The following SRP68 variants were observed in gnomAD, a reference collection of about 807,000 sequenced individuals.
SRP68 encodes the protein signal recognition particle 68.
Under a neutral mutation model 82.2 loss-of-function variants are expected in SRP68, and 15 were observed. The ratio of observed to expected loss-of-function variants is 0.18; its 90% CI spans 0.12 to 0.28. The LOEUF (loss-of-function observed/expected upper bound fraction) is 0.28. Among genes scored for constraint, SRP68 ranks in the 10% least tolerant of loss-of-function variants. The pLI, the probability that SRP68 is intolerant of heterozygous loss-of-function variation, is 1.00. For synonymous variants in SRP68, 261 were observed against 292.6 expected (o/e 0.89, Z 1.10); for missense variants, 595 against 780.5 (o/e 0.76, Z 2.83).
chr17:76,055,479 G>A (rs988346915), intron 8 of SRP68, among the ~76,000 whole-genome samples: 4 of 151,914 alleles, frequency 2.6e-5, no homozygotes, highest in Admixed American at 6.6e-5. Context: ...ATGTGGGCCC[G>A]GTGCAGTGGC....
chr17:76,068,009 GGGC>G (rs1392749185), intron 2 of SRP68, among the ~76,000 whole-genome samples: 26 of 152,220 alleles, frequency 1.7e-4, no homozygotes, highest in African/African-American at 5.3e-4. Flanking sequence ...AAAGAATGAG[GGGC>G]TGGGTGCAGT....
At chr17:76,057,812 C>T (rs1308795269) in intron 7 of SRP68, among the ~76,000 whole-genome samples, 1 of 151,988 alleles carries the variant, frequency 6.6e-6, no homozygotes, top group Non-Finnish European at 1.5e-5. Context: ...GAAGCTAGAA[C>T]TACAGGCACA....
chr17:76,067,099 G>A, intron 3 of SRP68, 118 bp downstream of exon 3: 1 of 788,754 alleles, frequency 1.3e-6, no homozygotes. Context: ...CACAGGAATA[G>A]TAAACAATGC....
chr17:76,059,018 T>C (rs887111818), intron 7 of SRP68, among the ~76,000 whole-genome samples: 2 of 152,128 alleles, frequency 1.3e-5, no homozygotes, highest in Admixed American at 6.6e-5. Flanking sequence ...GGCGAACAGA[T>C]TGCTTGAGCG....
intron 11 of SRP68, 92 bp from the exon 12 acceptor site, chr17:76,045,478 G>GAA (rs34106800): frequency 6.6e-3 from 5,172 of 784,500 alleles, no homozygotes; most frequent in Middle Eastern, 0.011. Flanking sequence ...CAAGAGTGAG[G>GAA]AAAAAAAAAA....
At chr17:76,044,207 G>A (rs2066612987) in intron 12 of SRP68, among the ~76,000 whole-genome samples, 1 of 152,168 alleles carries the variant, frequency 6.6e-6, no homozygotes, top group East Asian at 1.9e-4. Flanking sequence ...GGCTGACTCT[G>A]CAGAGGAGGA....
intron 2 of SRP68, among the ~76,000 whole-genome samples, chr17:76,068,078 T>C (rs948986251): frequency 6.6e-6 from 1 of 151,730 alleles, no homozygotes; most frequent in African/African-American, 2.4e-5. Context: ...GATCACTTGA[T>C]GTCAAGAGTT....
rs1003094142 is a variant in SRP68, at chr17:76,061,056, T to G, written c.754+54A>C. 7.4e-6 allele frequency: 8 copies of G among 1,074,800 alleles called. No individual in the cohort carries two copies. The African/African-American group carries it at 1.2e-4, about 17-fold the overall frequency. 66.6% of individuals were successfully genotyped at this position (1,074,800 alleles called of 1,614,324 possible). Reference sequence around the variant, plus strand: ...TAGGCTCTCTGAAGTGAGCTCCCAATAGGCCATCTATCAATGTTCAAGTTG... The same window carrying G: ...TAGGCTCTCTGAAGTGAGCTCCCAAGAGGCCATCTATCAATGTTCAAGTTG... On this transcript the variant is annotated intron_variant, in intron 6 of 15. Coordinates refer to ENST00000307877, the MANE Select transcript of SRP68 (RefSeq NM_014230.4).
intron 8 of SRP68, chr17:76,053,378 C>T (rs2066689740): frequency 1.3e-6 from 1 of 781,992 alleles, no homozygotes; most frequent in African/African-American, 1.9e-5. Flanking sequence ...CATGCCAACA[C>T]CCTTCTCAGA....
At chr17:76,053,488 A>G (rs941219190) in intron 8 of SRP68, 18 of 985,364 alleles carry the variant, frequency 1.8e-5, no homozygotes, top group Non-Finnish European at 2.0e-5. Context: ...TCGGTAGGGT[A>G]CAGTTCAAGT....
chr17:76,054,255 A>G (rs988681274), intron 8 of SRP68, among the ~76,000 whole-genome samples: 2 of 152,188 alleles, frequency 1.3e-5, no homozygotes, highest in Admixed American at 1.3e-4. Flanking sequence ...TAAAAAGCAC[A>G]TTCTCAGATT....
At chr17:76,066,439 G>A (rs2066806972) in intron 3 of SRP68, among the ~76,000 whole-genome samples, 1 of 122,812 alleles carries the variant, frequency 8.1e-6, no homozygotes, top group Non-Finnish European at 1.6e-5. Context: ...AACAGAGTGA[G>A]ACTCCGTCTC....
chr17:76,055,769 T>A (rs1013424585), intron 8 of SRP68, among the ~76,000 whole-genome samples: 7 of 148,640 alleles, frequency 4.7e-5, no homozygotes, highest in South Asian at 4.3e-4. Context: ...AAAAAAAAAA[T>A]GTGTATTTAA....
chr17:76,053,509 T>C (rs2066690788), intron 8 of SRP68: 2 of 985,238 alleles, frequency 2.0e-6, no homozygotes, highest in South Asian at 9.4e-5. Flanking sequence ...TTAAAACCTC[T>C]TGACTGCCAC....
chr17:76,039,657 A>G lies in SRP68; in HGVS notation c.*49T>C, dbSNP rs1296174417. ...ATGGAACTTGCTGGGATTTTCTCACAATACAGATTAAGAGTCAGAATCTCC... is the reference window on the plus strand; with the variant it reads ...ATGGAACTTGCTGGGATTTTCTCACGATACAGATTAAGAGTCAGAATCTCC... On this transcript the variant is annotated 3_prime_UTR_variant, in exon 16 of 16. Transcript: ENST00000307877. 6.4e-7 allele frequency: 1 copy of G among 1,561,896 alleles called. No homozygotes were observed. Among genetic ancestry groups the G allele is most frequent in the Non-Finnish European group, 8.8e-7 (1 of 1,138,400 alleles).
At chr17:76,068,269 G>A (rs909026020) in intron 2 of SRP68, among the ~76,000 whole-genome samples, 2 of 151,526 alleles carry the variant, frequency 1.3e-5, no homozygotes, top group Admixed American at 6.6e-5. Context: ...TTCAGCCTGG[G>A]CAACAACAGT....
rs554542131 is a variant in SRP68 at position 76,043,970 on chromosome 17, G to A, written c.1395-12C>T. The A allele has an allele frequency of 2.5e-6, 4 of 1,593,596 alleles. No homozygotes were observed. Among genetic ancestry groups the A allele is most frequent in the African/African-American group, 2.7e-5 (2 of 73,558 alleles). On this transcript the variant is annotated splice_polypyrimidine_tract_variant and intron_variant, in intron 12 of 15. Coordinates refer to ENST00000307877, the MANE Select transcript of SRP68 (RefSeq NM_014230.4). ...CAATGAAAAAACACCTGATGGGGAG[G>A]GAAAAGAGCCACAATATTCTAAAGC...
intron 5 of SRP68, 135 bp from the exon 6 acceptor site, chr17:76,061,354 G>T (rs2066751055): frequency 1.0e-6 from 1 of 973,092 alleles, no homozygotes; most frequent in Non-Finnish European, 1.6e-6. Context: ...TTCTAAGGTT[G>T]AAAGAGAATC....
chr17:76,066,969 C>G (rs1260057425), intron 3 of SRP68, among the ~76,000 whole-genome samples: 1 of 152,058 alleles, frequency 6.6e-6, no homozygotes, highest in East Asian at 1.9e-4. Flanking sequence ...CTCAGGTGAT[C>G]CACCCACCTT....
Sources: gnomAD v4.1 joint callset for allele counts (sites outside exome capture counted in the v4.1 genomes callset) on GRCh38, gnomAD v4.1.1 for gene constraint, MANE v1.5 for transcripts, NCBI Gene and HGNC (gene_info 2026-07-23, HGNC 2026-07-21) for gene names.